The following IMMT variants were observed in gnomAD, a reference collection of about 807,000 sequenced individuals.
IMMT encodes the protein MICOS complex subunit MIC60.
Under a neutral mutation model 92.7 loss-of-function variants are expected in IMMT, and 40 were observed. That is an observed-to-expected ratio of 0.43 (90% confidence interval 0.34 to 0.56). The LOEUF is 0.56. Among genes scored for constraint, IMMT ranks in the 20% least tolerant of loss-of-function variants. IMMT has a pLI of 0.03. For missense variants in IMMT, 831 were observed against 912.1 expected (o/e 0.91, Z 1.14); for synonymous variants, 322 against 336.1 (o/e 0.96, Z 0.46).
intron 12 of IMMT, among the ~76,000 whole-genome samples, chr2:86,148,370 AG>A (rs1382404035): frequency 1.3e-5 from 2 of 152,148 alleles, no homozygotes; most frequent in Non-Finnish European, 2.9e-5. Flanking sequence ...GCACTTTGGG[AG>A]GCTGAGGCAG....
chr2:86,186,991 C>A (rs10175330), intron 1 of IMMT, among the ~76,000 whole-genome samples: 69,817 of 151,808 alleles, frequency 0.46, 16,596 homozygotes, highest in Non-Finnish European at 0.51. Context: ...TCTATACTTC[C>A]GGCCATCTGC....
chr2:86,183,848 G>A (rs1260262161), intron 1 of IMMT, among the ~76,000 whole-genome samples: 6 of 152,160 alleles, frequency 3.9e-5, no homozygotes, highest in African/African-American at 1.4e-4. Context: ...AGCTTCCCAA[G>A]GGATTTCATG....
In IMMT at chr2:86,150,120, G is replaced by A. The variant is rs534414036; in HGVS notation, c.1401+1177C>T. Among the ~76,000 whole-genome samples the A allele has an allele frequency of 1.2e-4, 19 of 152,280 alleles. No individual in the cohort carries two copies. In the South Asian group the frequency reaches 3.9e-3, roughly 32 times the overall value. ...TATTTAGAGAGAAACAAGTTGAGGGGCTGGAAGACAGGTTGGAGAGAATAA... is the reference window on the plus strand; with the variant it reads ...TATTTAGAGAGAAACAAGTTGAGGGACTGGAAGACAGGTTGGAGAGAATAA... On this transcript the variant is annotated intron_variant, in intron 12 of 14. Coordinates refer to ENST00000410111, the MANE Select transcript of IMMT (RefSeq NM_006839.3).
chr2:86,161,934 C>T (rs766338034), intron 8 of IMMT, 42 bp downstream of exon 8: 1 of 1,324,276 alleles, frequency 7.6e-7, no homozygotes, highest in Non-Finnish European at 1.1e-6. Flanking sequence ...AAGAAAGCCA[C>T]CAGGAGGCCC....
chr2:86,162,824 C>A (rs1676393649), intron 7 of IMMT, among the ~76,000 whole-genome samples: 1 of 152,090 alleles, frequency 6.6e-6, no homozygotes, highest in East Asian at 1.9e-4. Flanking sequence ...AGCCTGGCGA[C>A]AGAGAAAGAC....
intron 11 of IMMT, among the ~76,000 whole-genome samples, chr2:86,153,339 AC>A (rs1030203101): frequency 2.0e-5 from 3 of 147,940 alleles, no homozygotes; most frequent in African/African-American, 7.3e-5. Flanking sequence ...ACACACACAC[AC>A]ACTTCACATC....
chr2:86,195,060 G>A (rs1324040435), intron 1 of IMMT: 2 of 393,330 alleles, frequency 5.1e-6, no homozygotes, highest in Non-Finnish European at 9.4e-6. Context: ...GATTGGTCCT[G>A]GACGGGGGCA....
At chr2:86,172,624 A>G (rs1043628309) in intron 4 of IMMT, among the ~76,000 whole-genome samples, 1 of 152,186 alleles carries the variant, frequency 6.6e-6, no homozygotes, top group African/African-American at 2.4e-5. Flanking sequence ...GAGCCCATGC[A>G]CCTGGCCTAA....
At position 86,195,441 on chromosome 2, in the gene IMMT, G is replaced by C; in HGVS notation, c.-59C>G. On this transcript the variant is annotated 5_prime_UTR_variant, in exon 1 of 15. Coordinates refer to ENST00000410111, the MANE Select transcript of IMMT (RefSeq NM_006839.3). ...GAGCTGCCGCGGCGGCGCGAGTTAA[G>C]TGGAGGCGTGCTTGCGTGTGTGCGT... 6.5e-7 allele frequency: 1 copy of C among 1,527,700 alleles called. No individual in the cohort carries two copies. Among genetic ancestry groups the C allele is most frequent in the South Asian group, 1.2e-5 (1 of 81,548 alleles). 94.6% of individuals were successfully genotyped at this position (1,527,700 alleles called of 1,614,324 possible).
In IMMT at chr2:86,173,665, G is replaced by C; in HGVS notation, c.406C>G (p.Pro136Ala). 6.4e-7 allele frequency: 1 copy of C among 1,573,670 alleles called. No individual in the cohort carries two copies. Among genetic ancestry groups the C allele is most frequent in the South Asian group, 1.1e-5 (1 of 89,700 alleles). Residue 136 changes from proline (P) to alanine (A), a missense_variant, in exon 4 of 15, where the codon CCA becomes GCA. Physicochemically the swap from Pro to Ala is conservative, Grantham distance 27. Transcript: ENST00000410111. ...ATATAAGTACCTGTTGCTGAAGCTG[G>C]AGTATCTCCCTTTTGTTTTTGGAGT... ...SQLQKQKGDT[P>A]ASATAPTEAA...
intron 4 of IMMT, chr2:86,171,556 C>CA: frequency 1.9e-6 from 1 of 522,972 alleles, no homozygotes; most frequent in Non-Finnish European, 3.5e-6. Flanking sequence ...TGGGAACGAA[C>CA]AAAAGAAAGA....
intron 3 of IMMT, among the ~76,000 whole-genome samples, chr2:86,178,691 A>G (rs1677617881): frequency 6.6e-6 from 1 of 152,174 alleles, no homozygotes; most frequent in Admixed American, 6.5e-5. Context: ...GACAAAACAC[A>G]ACTGGCTCTC....
chr2:86,158,856 A>C (rs576362264), intron 9 of IMMT, 135 bp from the exon 10 acceptor site: 2 of 721,006 alleles, frequency 2.8e-6, no homozygotes, highest in Non-Finnish European at 4.4e-6. Flanking sequence ...TCAGAAATAG[A>C]ATATAAGCCT....
At chr2:86,164,861 G>C (rs1676563310) in intron 7 of IMMT, among the ~76,000 whole-genome samples, 1 of 152,068 alleles carries the variant, frequency 6.6e-6, no homozygotes, top group Admixed American at 6.6e-5. Flanking sequence ...AACAGACACA[G>C]ATTCCCCTAC....
chr2:86,165,689 T>C (rs980894194), intron 7 of IMMT, among the ~76,000 whole-genome samples: 2 of 152,224 alleles, frequency 1.3e-5, no homozygotes, highest in Admixed American at 6.5e-5. Context: ...AAATAATGTA[T>C]TAAGTCCCAG....
At chr2:86,161,553 G>A (rs1348175145) in intron 8 of IMMT, among the ~76,000 whole-genome samples, 7 of 129,454 alleles carry the variant, frequency 5.4e-5, no homozygotes, top group East Asian at 2.2e-4. Context: ...TCACTCTGTC[G>A]CCCAGGCTGG....
At position 86,158,559 on chromosome 2, in the gene IMMT, TCA is replaced by T. The variant is rs1491307186; in HGVS notation, c.1162+31_1162+32del. 381 of 1,465,374 alleles carry T rather than the reference TCA, an allele frequency of 2.6e-4. 2 individuals are homozygous for T. The highest frequency in any genetic ancestry group is 3.0e-4 in the South Asian group (24 of 81,036). The allele number at this position is 1,465,374 out of a possible 1,614,324, so 90.8% of individuals were successfully genotyped here. A position where few individuals can be genotyped will look rare whatever the true frequency, so the allele number is the denominator to read the frequency against. ...GATTCATTGATTAGTGGTTAAAACA[TCA>T]AAAAAAAAACATTACTTCAGTTGTA... On this transcript the variant is annotated intron_variant, in intron 10 of 14. Transcript: ENST00000410111.
At chr2:86,149,216 C>T (rs1675278534) in intron 12 of IMMT, among the ~76,000 whole-genome samples, 1 of 152,144 alleles carries the variant, frequency 6.6e-6, no homozygotes, top group Admixed American at 6.6e-5. Flanking sequence ...GACATCTAGG[C>T]TTAAAACTTA....
rs2104481825 is a variant in IMMT, at chr2:86,144,160, A to C, written c.*108T>G. 8.2e-7 allele frequency: 1 copy of C among 1,218,808 alleles called. No individual in the cohort carries two copies. Among genetic ancestry groups the C allele is most frequent in the Non-Finnish European group, 1.1e-6 (1 of 872,568 alleles). 75.5% of individuals were successfully genotyped at this position (1,218,808 alleles called of 1,614,324 possible). A position where few individuals can be genotyped will look rare whatever the true frequency, so the allele number is the denominator to read the frequency against. Reference sequence around the variant, plus strand: ...GTTAACATTTAGAACAGTACTTGTAAACCTGCTCATTTCTAGACAAGTCCG... The same window carrying C: ...GTTAACATTTAGAACAGTACTTGTACACCTGCTCATTTCTAGACAAGTCCG... On this transcript the variant is annotated 3_prime_UTR_variant, in exon 15 of 15. Transcript: ENST00000410111.
Sources: allele counts gnomAD v4.1 joint callset (sites outside exome capture counted in the v4.1 genomes callset), GRCh38; gene constraint gnomAD v4.1.1; transcripts MANE v1.5; gene names NCBI Gene and HGNC (gene_info 2026-07-23, HGNC 2026-07-21).